The following NF1 variants were observed in gnomAD, a reference collection of about 807,000 sequenced individuals.
The protein encoded by NF1 is neurofibromin 1.
Under a neutral mutation model 325.7 loss-of-function variants are expected in NF1, and 122 were observed. The ratio of observed to expected loss-of-function variants is 0.37; its 90% CI spans 0.32 to 0.44. The LOEUF is 0.44. Among genes scored for constraint, NF1 ranks in the 20% least tolerant of loss-of-function variants. The probability of loss-of-function intolerance (pLI) is 1.00; values close to 1 mark genes in which losing one functional copy is unlikely to be tolerated. For synonymous variants in NF1, 1,091 were observed against 1,186.0 expected (o/e 0.92, Z 1.65); for missense variants, 2,140 against 3,415.4 (o/e 0.63, Z 9.31).
intron 29 of NF1, among the ~76,000 whole-genome samples, chr17:31,248,016 A>G (rs2067427331): frequency 6.6e-6 from 1 of 151,616 alleles, no homozygotes; most frequent in Non-Finnish European, 1.5e-5. Context: ...CAGCCTGACC[A>G]ACATGGTGAA....
At chr17:31,153,469 A>G (rs1917087951) in intron 1 of NF1, among the ~76,000 whole-genome samples, 1 of 152,218 alleles carries the variant, frequency 6.6e-6, no homozygotes, top group East Asian at 1.9e-4. Context: ...TGCAATGAGC[A>G]TAACTACCCT....
intron 1 of NF1, among the ~76,000 whole-genome samples, chr17:31,107,245 A>G (rs1315921831): frequency 1.3e-5 from 2 of 152,122 alleles, no homozygotes; most frequent in African/African-American, 4.8e-5. Context: ...GAAAAAAAGC[A>G]CAGTATTTCT....
At chr17:31,123,863 T>C (rs1441569784) in intron 1 of NF1, among the ~76,000 whole-genome samples, 1 of 152,220 alleles carries the variant, frequency 6.6e-6, no homozygotes, top group Admixed American at 6.5e-5. Context: ...TCCTATTCCA[T>C]TTTGTTCTAG....
At chr17:31,162,035 CAAA>C (rs781244510) in intron 3 of NF1, among the ~76,000 whole-genome samples, 1,892 of 54,000 alleles carry the variant, frequency 0.035, 27 homozygotes, top group African/African-American at 0.15. Context: ...GACTCCATCT[CAAA>C]AAAAAAAAAA....
At chr17:31,332,771 TC>T (rs893644159) in intron 39 of NF1, among the ~76,000 whole-genome samples, 1 of 51,516 alleles carries the variant, frequency 1.9e-5, no homozygotes, top group African/African-American at 4.8e-5. Flanking sequence ...ATATTCCCCT[TC>T]CTGTGTCCAT....
At chr17:31,323,909 A>G (rs964361112) in intron 36 of NF1, among the ~76,000 whole-genome samples, 1 of 152,028 alleles carries the variant, frequency 6.6e-6, no homozygotes, top group Non-Finnish European at 1.5e-5. Flanking sequence ...TTTCTACCTC[A>G]TATCTTCTAT....
intron 36 of NF1, among the ~76,000 whole-genome samples, chr17:31,300,398 T>C (rs941960622): frequency 1.3e-5 from 2 of 152,072 alleles, no homozygotes; most frequent in Admixed American, 6.5e-5. Context: ...ATATAAAAGG[T>C]GACATATATA....
At chr17:31,306,412 A>G (rs765355485) in intron 36 of NF1, among the ~76,000 whole-genome samples, 2 of 152,166 alleles carry the variant, frequency 1.3e-5, no homozygotes, top group Non-Finnish European at 2.9e-5. Flanking sequence ...ATAGATAGAC[A>G]TAGATATAGA....
At position 31,132,274 on chromosome 17, in the gene NF1, G is replaced by A. The variant is rs1159985432; in HGVS notation, c.61-23709G>A. On this transcript the variant is annotated intron_variant, in intron 1 of 57. Transcript: ENST00000358273. ...ACTCATTTCTAGGCCAGACTTGGTG[G>A]GTCATGCCTGTAATCCCAGCACTTT... 3.3e-5 allele frequency among the ~76,000 whole-genome samples: 5 copies of A among 152,056 alleles called. No individual in the cohort carries two copies. In the East Asian group the frequency reaches 9.6e-4, roughly 29 times the overall value.
intron 39 of NF1, among the ~76,000 whole-genome samples, chr17:31,332,267 C>A (rs529384067): frequency 1.2e-4 from 18 of 152,104 alleles, no homozygotes; most frequent in South Asian, 8.3e-4. Context: ...AGTTCGAGAC[C>A]AGCCTGGCCA....
chr17:31,227,315 C>A (rs543490011), intron 19 of NF1, 24 bp downstream of exon 19: 25 of 1,611,146 alleles, frequency 1.6e-5, no homozygotes, highest in Non-Finnish European at 2.0e-5. Context: ...AACAGAAACA[C>A]CCCTCCCAGG....
At chr17:31,103,666 G>A (rs1031654103) in intron 1 of NF1, among the ~76,000 whole-genome samples, 1 of 152,086 alleles carries the variant, frequency 6.6e-6, no homozygotes, top group Non-Finnish European at 1.5e-5. Flanking sequence ...CTGGCCTTAA[G>A]TCTGCTTTTA....
chr17:31,251,236 G>T, intron 30 of NF1: 1 of 206,016 alleles, frequency 4.9e-6, no homozygotes. Context: ...GTACCTTCCT[G>T]CTCTTCTGTG....
chr17:31,225,232 A>G lies in NF1; in HGVS notation c.1983A>G (p.Gly661=), dbSNP rs2144027766. Reference sequence around the variant, plus strand: ...CTCCTGGAGCCTCTCTCCGGAAGGGAAAAGGGAACTCCTCTATGGTCAGCT... The same window carrying G: ...CTCCTGGAGCCTCTCTCCGGAAGGGGAAAGGGAACTCCTCTATGGTCAGCT... ...LRTPGASLRK[G]KGNSSMDSAA... is the part of the protein sequence containing the mutation. The change falls in exon 17 of 58, where the codon GGA becomes GGG. Residue 661 remains glycine (G), a synonymous_variant. Transcript: ENST00000358273. The G allele has an allele frequency of 6.2e-7, 1 of 1,613,576 alleles. No homozygotes were observed. The highest frequency in any genetic ancestry group is 1.1e-5 in the South Asian group (1 of 91,074).
intron 5 of NF1, among the ~76,000 whole-genome samples, chr17:31,173,478 C>G (rs182983095): frequency 2.0e-5 from 3 of 151,842 alleles, no homozygotes. Context: ...TGCCCATAAT[C>G]CCAGCTACTC....
intron 1 of NF1, among the ~76,000 whole-genome samples, chr17:31,142,513 G>A (rs1039974915): frequency 6.6e-6 from 1 of 151,650 alleles, no homozygotes; most frequent in Admixed American, 6.6e-5. Context: ...TACTTTTTTT[G>A]TGAAAAATAT....
In NF1 at chr17:31,281,743, A is replaced by G. The variant is rs2068122260; in HGVS notation, c.4835+16404A>G. On this transcript the variant is annotated intron_variant, in intron 36 of 57. Coordinates refer to ENST00000358273, the MANE Select transcript of NF1 (RefSeq NM_001042492.3). ...GTTTAAAAAAAAAAAATTCATTGAA[A>G]TGAAATTCACCCTTTTTGAAGTGTA... 3.3e-5 allele frequency among the ~76,000 whole-genome samples: 5 copies of G among 152,130 alleles called. No individual in the cohort carries two copies. The South Asian group carries it at 1.0e-3, about 32-fold the overall frequency.
At chr17:31,115,689 A>G (rs1162804547) in intron 1 of NF1, among the ~76,000 whole-genome samples, 2 of 152,200 alleles carry the variant, frequency 1.3e-5, no homozygotes, top group African/African-American at 2.4e-5. Flanking sequence ...CCATTCCTGC[A>G]TAACCCTTTT....
intron 1 of NF1, among the ~76,000 whole-genome samples, chr17:31,096,859 C>G (rs1039379011): frequency 6.6e-6 from 1 of 152,144 alleles, no homozygotes; most frequent in Non-Finnish European, 1.5e-5. Context: ...AACTACTAAT[C>G]CATCTGAAGT....
Sources: gnomAD v4.1 joint callset for allele counts (sites outside exome capture counted in the v4.1 genomes callset) on GRCh38, gnomAD v4.1.1 for gene constraint, MANE v1.5 for transcripts, NCBI Gene and HGNC (gene_info 2026-07-23, HGNC 2026-07-21) for gene names.